The following INVS variants were observed in gnomAD, a reference collection of about 807,000 sequenced individuals.
INVS encodes the protein inversion of embryo turning homolog.
INVS carries 86 observed loss-of-function variants against 108.8 expected under a neutral mutation model. That is an observed-to-expected ratio of 0.79 (90% CI 0.66 to 0.95). The LOEUF is 0.95. Among genes scored for constraint, INVS ranks in the 40% least tolerant of loss-of-function variants. The probability of loss-of-function intolerance (pLI) is 0.00; values close to 1 mark genes in which losing one functional copy is unlikely to be tolerated. For synonymous variants in INVS, 455 were observed against 473.5 expected, an observed-to-expected ratio of 0.96 and a Z score of 0.51; for missense variants, 1,169 against 1,297.4, an observed-to-expected ratio of 0.90 and a Z score of 1.52.
intron 10 of INVS, among the ~76,000 whole-genome samples, chr9:100,264,024 G>A (rs1021404337): frequency 3.3e-5 from 5 of 152,028 alleles, no homozygotes; most frequent in Non-Finnish European, 7.4e-5. Context: ...TGTATATTTG[G>A]AAGCTTTGTT....
intron 3 of INVS, among the ~76,000 whole-genome samples, chr9:100,211,514 C>G (rs916838355): frequency 1.3e-5 from 2 of 152,082 alleles, no homozygotes; most frequent in African/African-American, 4.8e-5. Flanking sequence ...AGAGAAAAGC[C>G]TTTTTTTGAC....
intron 8 of INVS, among the ~76,000 whole-genome samples, chr9:100,249,126 C>A (rs1832140814): frequency 6.6e-6 from 1 of 151,934 alleles, no homozygotes. Flanking sequence ...GAACCCTTTT[C>A]CCCCAAATGA....
intron 3 of INVS, among the ~76,000 whole-genome samples, chr9:100,210,473 G>A (rs970548863): frequency 1.3e-5 from 2 of 152,152 alleles, no homozygotes; most frequent in African/African-American, 4.8e-5. Flanking sequence ...ATTGAGGAGT[G>A]TCAAAGTGTT....
chr9:100,173,012 A>G (rs531651475), intron 3 of INVS, among the ~76,000 whole-genome samples: 24 of 152,230 alleles, frequency 1.6e-4, no homozygotes, highest in African/African-American at 5.8e-4. Context: ...CAGGGCTACC[A>G]TTGTCTTAGA....
chr9:100,101,514 C>T (rs927902946), intron 1 of INVS: 6 of 152,130 alleles, frequency 3.9e-5, no homozygotes, highest in African/African-American at 1.2e-4. Flanking sequence ...TCACAACACC[C>T]TCTTCCTCCA....
At position 100,218,131 on chromosome 9, in the gene INVS, G is replaced by T. The variant is rs183226979; in HGVS notation, c.274-7931G>T. ...CAGAGTACCTACTTTACATTTGTGTGTGCTATTATAAATATAGTTATCTTT... is the reference window on the plus strand; with the variant it reads ...CAGAGTACCTACTTTACATTTGTGTTTGCTATTATAAATATAGTTATCTTT... On this transcript the variant is annotated intron_variant, in intron 3 of 16. Transcript: ENST00000262457. 2.4e-4 allele frequency among the ~76,000 whole-genome samples: 36 copies of T among 152,162 alleles called. No homozygotes were observed. The East Asian group carries it at 6.6e-3, about 28-fold the overall frequency.
intron 13 of INVS, among the ~76,000 whole-genome samples, chr9:100,287,547 T>C (rs558350877): frequency 6.6e-6 from 1 of 152,320 alleles, no homozygotes; most frequent in African/African-American, 2.4e-5. Flanking sequence ...ATTCCCAGTG[T>C]TCGGGGAGGG....
At position 100,192,625 on chromosome 9, in the gene INVS, T is replaced by TG. The variant is rs1184572019; in HGVS notation, c.274-33436dup. ...GCATATTTTTTGCTTTAGTAGATAC[T>TG]GCCTAATGGTTTTCCAAAATGTTGC... On this transcript the variant is annotated intron_variant, in intron 3 of 16. Transcript: ENST00000262457. Among the ~76,000 whole-genome samples, 7 of 152,352 alleles carry TG rather than the reference T, an allele frequency of 4.6e-5. No homozygotes were observed. The East Asian group carries it at 1.3e-3, about 29-fold the overall frequency.
At chr9:100,190,699 T>C (rs1356038877) in intron 3 of INVS, among the ~76,000 whole-genome samples, 2 of 152,200 alleles carry the variant, frequency 1.3e-5, no homozygotes, top group Admixed American at 1.3e-4. Context: ...ACCCTAATCC[T>C]TTCTGGCTTG....
At chr9:100,193,537 A>G (rs1465256781) in intron 3 of INVS, among the ~76,000 whole-genome samples, 2 of 152,266 alleles carry the variant, frequency 1.3e-5, no homozygotes, top group East Asian at 3.9e-4. Flanking sequence ...TACCATATTT[A>G]CACATCTTCA....
chr9:100,257,789 A>G (rs1294073873), intron 10 of INVS, among the ~76,000 whole-genome samples: 1 of 152,192 alleles, frequency 6.6e-6, no homozygotes, highest in Non-Finnish European at 1.5e-5. Flanking sequence ...TGTTAGTCTG[A>G]TGGGCTTCCC....
At chr9:100,249,577 C>G (rs1832155967) in intron 8 of INVS, among the ~76,000 whole-genome samples, 1 of 151,914 alleles carries the variant, frequency 6.6e-6, no homozygotes, top group Admixed American at 6.6e-5. Flanking sequence ...TCACTGCAAC[C>G]TCCACCTCCC....
intron 6 of INVS, among the ~76,000 whole-genome samples, chr9:100,241,003 A>G (rs1226300496): frequency 6.6e-6 from 1 of 152,190 alleles, no homozygotes; most frequent in Non-Finnish European, 1.5e-5. Context: ...AGTCAAGAGC[A>G]AAAATGCATC....
At chr9:100,160,954 C>CAAAAA (rs34945084) in intron 3 of INVS, among the ~76,000 whole-genome samples, 5 of 72,650 alleles carry the variant, frequency 6.9e-5, no homozygotes, top group Non-Finnish European at 1.3e-4. Flanking sequence ...GACTCTGTCT[C>CAAAAA]AAAAAAAAAA....
chr9:100,272,899 G>A lies in INVS; in HGVS notation c.1607G>A (p.Arg536His), dbSNP rs752692382. The change falls in exon 12 of 17, where the codon CGC becomes CAC. Residue 536 changes from arginine (R) to histidine (H), a missense_variant. Arg to His is a conservative substitution (Grantham distance 29). Transcript: ENST00000262457. Reference protein sequence around the residue: ...TPLDYALLGERHEVIQFMLEH... With the variant: ...TPLDYALLGEHHEVIQFMLEH... Reference sequence around the variant, plus strand: ...CTTGATTATGCTTTGCTTGGTGAGCGCCATGAAGTGATCCAGTTCATGTTG... The same window carrying A: ...CTTGATTATGCTTTGCTTGGTGAGCACCATGAAGTGATCCAGTTCATGTTG... 1.4e-5 allele frequency: 22 copies of A among 1,613,744 alleles called. No individual in the cohort carries two copies. The highest frequency in any genetic ancestry group is 2.2e-5 in the East Asian group (1 of 44,886).
intron 10 of INVS, among the ~76,000 whole-genome samples, chr9:100,254,698 G>C: frequency 6.6e-6 from 1 of 152,034 alleles, no homozygotes. Context: ...GCTTGTTTTT[G>C]TCAGGTTTGT....
intron 12 of INVS, among the ~76,000 whole-genome samples, chr9:100,275,197 A>G (rs1464137832): frequency 6.6e-6 from 1 of 152,204 alleles, no homozygotes; most frequent in Non-Finnish European, 1.5e-5. Flanking sequence ...TTCTTATAAA[A>G]GTTCTCTGCA....
In INVS at chr9:100,301,756, TAGAC is replaced by T. The variant is rs759545880; in HGVS notation, c.*1086_*1089del. On this transcript the variant is annotated 3_prime_UTR_variant, in exon 17 of 17. Coordinates refer to ENST00000262457, the MANE Select transcript of INVS (RefSeq NM_014425.5). ...CCACTTCTGTGCTAACGGTAAGAGA[TAGAC>T]AGATAGGCAATGAAGTGTTCACTTA... Among the ~76,000 whole-genome samples the T allele has an allele frequency of 7.2e-5, 11 of 152,218 alleles. No individual in the cohort carries two copies. Among genetic ancestry groups the T allele is most frequent in the South Asian group, 2.1e-4 (1 of 4,824 alleles).
At chr9:100,197,507 G>C (rs906699022) in intron 3 of INVS, among the ~76,000 whole-genome samples, 1 of 152,164 alleles carries the variant, frequency 6.6e-6, no homozygotes, top group African/African-American at 2.4e-5. Context: ...CTGTGGAGTG[G>C]GGTGCACCAC....
Sources: allele counts gnomAD v4.1 joint callset (sites outside exome capture counted in the v4.1 genomes callset), GRCh38; gene constraint gnomAD v4.1.1; transcripts MANE v1.5; gene names NCBI Gene and HGNC (gene_info 2026-07-23, HGNC 2026-07-21).